The following CPZ variants were observed in gnomAD, a reference collection of about 807,000 sequenced individuals.
The protein encoded by CPZ is VEZT/CPZ fusion.
Under a neutral mutation model 61.8 loss-of-function variants are expected in CPZ, and 103 were observed. The observed-to-expected ratio is 1.67, with a 90% CI of 1.42 to 1.96. CPZ has a LOEUF of 1.96. Among genes scored for constraint, CPZ ranks in the 30% most tolerant of loss-of-function variants. The pLI is 0.00. For synonymous variants in CPZ, 551 were observed against 373.7 expected, an observed-to-expected ratio of 1.47 and a Z score of -5.47; for missense variants, 1,461 against 914.9, an observed-to-expected ratio of 1.60 and a Z score of -7.70.
At chr4:8,595,715 G>T (rs925489896) in intron 1 of CPZ, among the ~76,000 whole-genome samples, 7 of 152,254 alleles carry the variant, frequency 4.6e-5, no homozygotes, top group Non-Finnish European at 8.8e-5. Flanking sequence ...TACTGATGAT[G>T]TAATCCCTGG....
At chr4:8,618,648 C>A in intron 10 of CPZ, 120 bp downstream of exon 10, 1 of 922,022 alleles carries the variant, frequency 1.1e-6, no homozygotes, top group South Asian at 1.5e-5. Context: ...GGCTCCATTC[C>A]TCCCCAGGCT....
chr4:8,619,489 G>T lies in CPZ; in HGVS notation c.1831G>T (p.Gly611Trp), dbSNP rs748345296. 1.6e-5 allele frequency: 26 copies of T among 1,608,274 alleles called. No homozygotes were observed. The highest frequency in any genetic ancestry group is 2.0e-5 in the Non-Finnish European group (24 of 1,176,220). ...CCCACTGGGAGGTGCCAGCTCTTTGGGGGAGGCCACGGAGCCCGACCCGCT... is the reference window on the plus strand; with the variant it reads ...CCCACTGGGAGGTGCCAGCTCTTTGTGGGAGGCCACGGAGCCCGACCCGCT... ...HDPLGGASSLGEATEPDPLRA... is the reference protein window; with the variant it reads ...HDPLGGASSLWEATEPDPLRA... The change falls in exon 11 of 11, where the codon GGG (glycine) becomes TGG (tryptophan). Residue 611 changes from glycine (G) to tryptophan (W), a missense_variant. Gly to Trp is a radical substitution (Grantham distance 184). Coordinates refer to ENST00000360986, the MANE Select transcript of CPZ (RefSeq NM_001014447.3).
At chr4:8,610,745 GCTGCTGGCAGGATAGTGGTCCATGGT>G (rs1049282938) in intron 7 of CPZ, among the ~76,000 whole-genome samples, 3 of 152,210 alleles carry the variant, frequency 2.0e-5, no homozygotes, top group African/African-American at 7.2e-5. Flanking sequence ...AGGTGCAGGG[GCTGCTGGCAGGATAGTGGTCCATGGT>G]CTGCCACCCT....
intron 7 of CPZ, among the ~76,000 whole-genome samples, chr4:8,611,550 G>A (rs1290974339): frequency 6.6e-6 from 1 of 152,210 alleles, no homozygotes; most frequent in Non-Finnish European, 1.5e-5. Flanking sequence ...TGGTCAGCCT[G>A]GAGGTGGAGT....
intron 9 of CPZ, chr4:8,618,102 G>C: frequency 3.0e-6 from 1 of 330,574 alleles, no homozygotes; most frequent in South Asian, 3.2e-5. Flanking sequence ...GGCAGGGAAG[G>C]AATGCCGATC....
At chr4:8,617,441 G>A (rs1716273565) in intron 9 of CPZ, among the ~76,000 whole-genome samples, 1 of 152,208 alleles carries the variant, frequency 6.6e-6, no homozygotes, top group South Asian at 2.1e-4. Context: ...GTGGGCCCAG[G>A]CTCTTTGCTT....
chr4:8,603,797 C>A (rs1714747187), intron 3 of CPZ, 179 bp from the exon 4 acceptor site: 2 of 620,962 alleles, frequency 3.2e-6, no homozygotes, highest in African/African-American at 1.8e-5. Context: ...ACCTCAGGTG[C>A]CGTTTGGCTT....
Position 8,619,560 on chromosome 4 carries a change from G to T in CPZ, c.1902G>T (p.Trp634Cys), listed in dbSNP as rs769059721. 1 of 1,549,710 alleles carries T rather than the reference G, an allele frequency of 6.5e-7. No individual in the cohort carries two copies. The highest frequency in any genetic ancestry group is 8.7e-7 in the Non-Finnish European group (1 of 1,147,562). Residue 634 changes from tryptophan (W) to cysteine (C), a missense_variant, in exon 11 of 11, where the codon TGG (tryptophan) becomes TGT (cysteine). By Grantham distance (215) the Trp-to-Cys change is radical (BLOSUM62 -2). Coordinates refer to ENST00000360986, the MANE Select transcript of CPZ (RefSeq NM_001014447.3). The stretch of plus-strand genomic sequence containing the variant: ...CGGCCGACGGGAGTAAGCCCTGGTG[G>T]TGGTCCTACTTCACATCGCTGAGCA... ...QPSADGSKPW[W>C]WSYFTSLSTH... is the part of the protein sequence containing the mutation.
In CPZ at chr4:8,612,121, G is replaced by T; in HGVS notation, c.1322G>T (p.Gly441Val). The change falls in exon 8 of 11, where the codon GGG becomes GTG. Residue 441 changes from glycine to valine, a missense_variant. Transcript: ENST00000360986. ...TGTGGAGGCAATTTCCTGAAGAGGGGGAGCATCATCAACGGGGCGGACTGG... is the reference window on the plus strand; with the variant it reads ...TGTGGAGGCAATTTCCTGAAGAGGGTGAGCATCATCAACGGGGCGGACTGG... ...NRCGGNFLKR[G>V]SIINGADWYS... The T allele has an allele frequency of 6.2e-7, 1 of 1,609,234 alleles. No homozygotes were observed. The highest frequency in any genetic ancestry group is 8.5e-7 in the Non-Finnish European group (1 of 1,177,848).
chr4:8,614,710 G>C (rs980390854), intron 9 of CPZ, among the ~76,000 whole-genome samples: 1 of 152,098 alleles, frequency 6.6e-6, no homozygotes, highest in African/African-American at 2.4e-5. Context: ...CTGGGGTGGC[G>C]GTGCCATGTG....
chr4:8,603,688 T>C (rs1226825053), intron 3 of CPZ: 1 of 497,656 alleles, frequency 2.0e-6, no homozygotes, highest in African/African-American at 2.0e-5. Flanking sequence ...TGTCTTCCTT[T>C]CTGTTGTCCT....
At chr4:8,613,400 G>T (rs1325511107) in intron 8 of CPZ, among the ~76,000 whole-genome samples, 1 of 152,214 alleles carries the variant, frequency 6.6e-6, no homozygotes, top group Non-Finnish European at 1.5e-5. Flanking sequence ...AGAGTGCTGG[G>T]ATTATAGGCG....
chr4:8,610,967 ATCACTCAT>A (rs1396813293), intron 7 of CPZ, among the ~76,000 whole-genome samples: 29 of 152,200 alleles, frequency 1.9e-4, no homozygotes, highest in Non-Finnish European at 2.5e-4. Context: ...GCCTGGAGCA[ATCACTCAT>A]TCACTCAGTC....
chr4:8,608,503 C>A (rs1177742352), intron 7 of CPZ, among the ~76,000 whole-genome samples: 5 of 152,144 alleles, frequency 3.3e-5, no homozygotes, highest in African/African-American at 4.8e-5. Context: ...CACCTGGGCC[C>A]CTCCCTGTCC....
chr4:8,614,294 CCTGACGTCCCGGCTGTCTCTGTGCGG>C, intron 8 of CPZ, 39 bp from the exon 9 acceptor site: 5 of 1,519,562 alleles, frequency 3.3e-6, no homozygotes, highest in Admixed American at 3.6e-5. Context: ...GGCTGACACC[CCTGACGTCCCGGCTGTCTCTGTGCGG>C]CTGACACCCC....
At position 8,614,484 on chromosome 4, in the gene CPZ, A is replaced by C; in HGVS notation, c.1489A>C (p.Asn497His). The change falls in exon 9 of 11, where the codon AAT becomes CAT. Residue 497 changes from asparagine (N) to histidine (H), a missense_variant. Coordinates refer to ENST00000360986, the MANE Select transcript of CPZ (RefSeq NM_001014447.3). ...LWQHNKESLL[N>H]FVETVHRGIK... ...GCAGCACAACAAGGAGTCACTCCTG[A>C]ATTTCGTGGAGACGGTGAGTTCTGA... is the stretch of plus-strand genomic sequence containing the variant. The C allele has an allele frequency of 6.2e-7, 1 of 1,613,550 alleles. No homozygotes were observed. Among genetic ancestry groups the C allele is most frequent in the Non-Finnish European group, 8.5e-7 (1 of 1,179,756 alleles).
rs1049478417 is a variant in CPZ, at chr4:8,612,906, G to A, written c.1363+744G>A. ...CTGCCCCCTCTTCCCATGCAGGCGG[G>A]CAGAGAAGGTGGCACTTCTTGCACA... On this transcript the variant is annotated intron_variant, in intron 8 of 10. Transcript: ENST00000360986. 3.3e-5 allele frequency among the ~76,000 whole-genome samples: 5 copies of A among 152,224 alleles called. No individual in the cohort carries two copies. In the South Asian group the frequency reaches 8.3e-4, roughly 25 times the overall value.
chr4:8,597,391 TG>T (rs1380481680), intron 1 of CPZ: 1 of 152,208 alleles, frequency 6.6e-6, no homozygotes, highest in African/African-American at 2.4e-5. Flanking sequence ...AAGTTCAAGC[TG>T]TCATGCCTCC....
chr4:8,611,090 A>ACT (rs1008899982), intron 7 of CPZ: 3 of 360,216 alleles, frequency 8.3e-6, no homozygotes, highest in Non-Finnish European at 1.7e-5. Flanking sequence ...TCGCTCATTC[A>ACT]CTCACTCACT....
Sources: gnomAD v4.1 joint callset for allele counts (sites outside exome capture counted in the v4.1 genomes callset) on GRCh38, gnomAD v4.1.1 for gene constraint, MANE v1.5 for transcripts, NCBI Gene and HGNC (gene_info 2026-07-23, HGNC 2026-07-21) for gene names.